Variants in LYSMD1 observed in about 807,000 individuals in gnomAD.
LYSMD1 encodes LysM domain containing 1, also known as lysM and putative peptidoglycan-binding domain-containing protein 1.
LYSMD1 carries 9 observed loss-of-function variants against 19.3 expected under a neutral mutation model. The observed-to-expected ratio is 0.47, with a 90% CI of 0.28 to 0.81. The LOEUF (loss-of-function observed/expected upper bound fraction) is 0.81, where lower values mean the gene tolerates loss of function less well. Ranked by LOEUF, LYSMD1 falls within the 40% of genes least tolerant of loss-of-function variation. LYSMD1 has a pLI of 0.11. For synonymous variants in LYSMD1, 111 were observed against 111.7 expected, an observed-to-expected ratio of 0.99 and a Z score of 0.04; for missense variants, 262 against 279.8, an observed-to-expected ratio of 0.94 and a Z score of 0.45.
chr1:151,165,367 T>A lies in LYSMD1; in HGVS notation c.-109A>T. The A allele has an allele frequency of 6.7e-7, 1 of 1,492,492 alleles. No individual in the cohort carries two copies. The highest frequency in any genetic ancestry group is 8.9e-7 in the Non-Finnish European group (1 of 1,122,506). The allele number at this position is 1,492,492 out of a possible 1,614,324, so 92.5% of individuals were successfully genotyped here. ...AATATTCAGGGGATTCCTTTCCCCC[T>A]CTCTCTTCCCCTGTGTCCCCGCCTC... On this transcript the variant is annotated 5_prime_UTR_variant, in exon 1 of 3. Coordinates refer to ENST00000368908, the MANE Select transcript of LYSMD1 (RefSeq NM_212551.5).
the LYSMD1 span, among the ~76,000 whole-genome samples, chr1:151,149,682 C>T: frequency 6.6e-6 from 1 of 150,454 alleles, no homozygotes; most frequent in Admixed American, 6.6e-5. Flanking sequence ...ACCCAGGAGG[C>T]GGAGCTTGCA....
downstream of LYSMD1, among the ~76,000 whole-genome samples, chr1:151,157,765 G>C (rs1431643862): frequency 6.6e-6 from 1 of 152,206 alleles, no homozygotes; most frequent in East Asian, 1.9e-4. Context: ...TAAGATGACT[G>C]ACGTAAAGCA....
At chr1:151,148,738 CT>C in the LYSMD1 span, among the ~76,000 whole-genome samples, 4 of 151,970 alleles carry the variant, frequency 2.6e-5, no homozygotes, top group African/African-American at 7.2e-5. Context: ...TCAGCAAAAG[CT>C]TTTACTTGGT....
At chr1:151,162,986 C>T (rs1015718772) in intron 1 of LYSMD1, among the ~76,000 whole-genome samples, 4 of 152,176 alleles carry the variant, frequency 2.6e-5, no homozygotes, top group African/African-American at 9.7e-5. Flanking sequence ...AAGATAAAAA[C>T]CAAATTAGCA....
chr1:151,157,289 A>C (rs1572061121), downstream of LYSMD1, among the ~76,000 whole-genome samples: 1 of 151,884 alleles, frequency 6.6e-6, no homozygotes, highest in African/African-American at 2.4e-5. Flanking sequence ...GGGGAAAAAA[A>C]CCCCCACAGT....
Position 151,161,766 on chromosome 1 carries a change from G to A in LYSMD1, c.515C>T (p.Ala172Val), listed in dbSNP as rs1683465411. The stretch of plus-strand genomic sequence containing the variant: ...TTCCCCTTTTTTCAGCTTCTGAGCA[G>A]CAGCCTTCTTGGACAGGCTGATCTG... ...DSQISLSKKA[A>V]AQKLKKGENG... The change falls in exon 2 of 3, where the codon GCT becomes GTT. Residue 172 changes from alanine (A) to valine (V), a missense_variant. Coordinates refer to ENST00000368908, the MANE Select transcript of LYSMD1 (RefSeq NM_212551.5). 1 of 1,612,272 alleles carries A rather than the reference G, an allele frequency of 6.2e-7. No homozygotes were observed. Among genetic ancestry groups the A allele is most frequent in the Non-Finnish European group, 8.5e-7 (1 of 1,179,530 alleles).
In LYSMD1 at chr1:151,165,196, A is replaced by C. The variant is rs754652150; in HGVS notation, c.63T>G (p.Ala21=). 8.1e-6 allele frequency: 13 copies of C among 1,614,016 alleles called. No individual in the cohort carries two copies. Among genetic ancestry groups the C allele is most frequent in the Non-Finnish European group, 1.0e-5 (12 of 1,180,014 alleles). The change falls in exon 1 of 3, where the codon GCT becomes GCG. Residue 21 remains alanine, a synonymous_variant. Transcript: ENST00000368908. ...ATTGCACCAGGCTTCCATATGAACGAGCCCGGCTCCCTTGAAGCAGTCCTG... is the reference window on the plus strand; with the variant it reads ...ATTGCACCAGGCTTCCATATGAACGCGCCCGGCTCCCTTGAAGCAGTCCTG... The part of the protein sequence containing the change: ...GGSGLLQGSR[A]RSYGSLVQSA...
chr1:151,156,591 G>T (rs1572060256), downstream of LYSMD1: 1 of 152,360 alleles, frequency 6.6e-6, no homozygotes, highest in East Asian at 1.9e-4. Flanking sequence ...TGAACCGGAG[G>T]TTAAGCAGAG....
downstream of LYSMD1, among the ~76,000 whole-genome samples, chr1:151,155,177 T>C (rs1012681813): frequency 1.3e-5 from 2 of 152,238 alleles, no homozygotes; most frequent in Non-Finnish European, 2.9e-5. Context: ...TGTATTTTGT[T>C]TTTTTCCTGC....
intron 1 of LYSMD1, among the ~76,000 whole-genome samples, chr1:151,163,859 C>A (rs1239935435): frequency 2.0e-5 from 3 of 149,688 alleles, no homozygotes; most frequent in Non-Finnish European, 3.0e-5. Flanking sequence ...GAAATTTAAT[C>A]TTTTCTGATT....
chr1:151,151,929 TAA>T, the LYSMD1 span, among the ~76,000 whole-genome samples: 30 of 129,136 alleles, frequency 2.3e-4, no homozygotes, highest in Non-Finnish European at 2.3e-4. Context: ...AACTCCATCT[TAA>T]AAAAAAAAAA....
At chr1:151,159,212 G>C, downstream of LYSMD1, 1 of 1,613,932 alleles carries the variant, frequency 6.2e-7, no homozygotes, top group Non-Finnish European at 8.5e-7. Flanking sequence ...GGCAAGATCT[G>C]TGACGGACTC....
At chr1:151,152,633 G>A in the LYSMD1 span, among the ~76,000 whole-genome samples, 1 of 152,038 alleles carries the variant, frequency 6.6e-6, no homozygotes, top group East Asian at 1.9e-4. Context: ...CCAGGAGGCA[G>A]AGGTTGCAGT....
rs1218496905 is a variant in LYSMD1 at position 151,165,612 on chromosome 1, C to T, written c.-354G>A. 1 of 1,529,834 alleles carries T rather than the reference C, an allele frequency of 6.5e-7. No individual in the cohort carries two copies. Among genetic ancestry groups the T allele is most frequent in the Non-Finnish European group, 8.8e-7 (1 of 1,140,070 alleles). 94.8% of individuals were successfully genotyped at this position (1,529,834 alleles called of 1,614,324 possible). A position where few individuals can be genotyped will look rare whatever the true frequency, so the allele number is the denominator to read the frequency against. On this transcript the variant is annotated 5_prime_UTR_variant, in exon 1 of 3. Coordinates refer to ENST00000368908, the MANE Select transcript of LYSMD1 (RefSeq NM_212551.5). Reference sequence around the variant, plus strand: ...TCAGTTTGCCCCCAAGTAGCCTGGCCTCAGGGCGCTCCAACATCCCAGCTC... The same window carrying T: ...TCAGTTTGCCCCCAAGTAGCCTGGCTTCAGGGCGCTCCAACATCCCAGCTC...
At chr1:151,159,222 C>T (rs1203456826), downstream of LYSMD1, 1 of 1,613,540 alleles carries the variant, frequency 6.2e-7, no homozygotes, top group South Asian at 1.1e-5. Flanking sequence ...GTGACGGACT[C>T]AGGAAGCTGC....
Position 151,161,029 on chromosome 1 carries a change from G to A in LYSMD1, c.546-9C>T. On this transcript the variant is annotated splice_polypyrimidine_tract_variant and intron_variant, in intron 2 of 2. Transcript: ENST00000368908. ...CATCCTCCCCAGGTACCCTGCAATT[G>A]AGGAAAGGGGGGAAAGAGTGACAGA... 6.2e-7 allele frequency: 1 copy of A among 1,613,214 alleles called. No homozygotes were observed. Among genetic ancestry groups the A allele is most frequent in the Non-Finnish European group, 8.5e-7 (1 of 1,179,336 alleles).
At chr1:151,153,497 A>G in the LYSMD1 span, among the ~76,000 whole-genome samples, 2 of 150,860 alleles carry the variant, frequency 1.3e-5, no homozygotes, top group South Asian at 2.1e-4. Context: ...TACTTAAAAT[A>G]CAAAAAAATT....
chr1:151,149,927 A>G, the LYSMD1 span, among the ~76,000 whole-genome samples: 4 of 152,280 alleles, frequency 2.6e-5, no homozygotes, highest in African/African-American at 9.6e-5. Flanking sequence ...ATAAAGTGAG[A>G]ATTCCACCAA....
chr1:151,158,088 G>C (rs1454034541), downstream of LYSMD1, among the ~76,000 whole-genome samples: 2 of 152,184 alleles, frequency 1.3e-5, no homozygotes, highest in African/African-American at 4.8e-5. Context: ...ACTTTGGGAG[G>C]CCGAGGTGGG....
Sources: gnomAD v4.1 joint callset for allele counts (sites outside exome capture counted in the v4.1 genomes callset) on GRCh38, gnomAD v4.1.1 for gene constraint, MANE v1.5 for transcripts, NCBI Gene and HGNC (gene_info 2026-07-23, HGNC 2026-07-21) for gene names.